The following TRPM5 variants were observed in gnomAD, a reference collection of about 807,000 sequenced individuals.
TRPM5 encodes transient receptor potential cation channel subfamily M member 5, also known as MLSN1 and TRP-related.
Under a neutral mutation model 124.9 loss-of-function variants are expected in TRPM5, and 121 were observed. That is an observed-to-expected ratio of 0.97 (90% CI 0.84 to 1.13). TRPM5 has a LOEUF of 1.13. Ranked by LOEUF, TRPM5 falls within the 50% of genes most tolerant of loss-of-function variation. TRPM5 has a pLI of 0.00. For missense variants in TRPM5, 1,643 were observed against 1,589.1 expected, an observed-to-expected ratio of 1.03 and a Z score of -0.58; for synonymous variants, 781 against 700.5, an observed-to-expected ratio of 1.11 and a Z score of -1.81.
chr11:2,435,500 C>T, the TRPM5 span, among the ~76,000 whole-genome samples: 1 of 152,086 alleles, frequency 6.6e-6, no homozygotes, highest in East Asian at 1.9e-4. This position sits in a 1 kb window ranked among gnomAD's most constrained non-coding sequence, Gnocchi z 4.1. Flanking sequence ...TCCATCCCTC[C>T]ATCCGTCCAT....
intron 12 of TRPM5, 52 bp downstream of exon 17, chr11:2,414,009 G>GGGCCC: frequency 3.9e-6 from 4 of 1,023,730 alleles, no homozygotes; most frequent in Non-Finnish European, 4.3e-6. Flanking sequence ...GGCCCAGCTC[G>GGGCCC]CCCGCCCACC....
At chr11:2,418,275 T>C in exon 6 of TRPM5, 1 of 1,581,360 alleles carries the variant, frequency 6.3e-7, no homozygotes, top group Non-Finnish European at 8.6e-7. Context: ...GCTGGTTCAC[T>C]AGGGCAGCAA....
exon 2 of TRPM5, chr11:2,422,219 C>T: frequency 6.2e-7 from 1 of 1,612,548 alleles, no homozygotes. Flanking sequence ...GGCTGCTCCT[C>T]ACCCACCAGG....
chr11:2,416,610 G>A lies in TRPM5; in HGVS notation c.1010-586C>T, dbSNP rs577327591. On this transcript the variant is annotated intron_variant, in intron 7 of 23. Coordinates refer to ENST00000155858, the Ensembl canonical transcript of TRPM5. ...CAAACTGAGACTGGTGAGAAGAGGC[G>A]GGGGAGTTCCTAAACGGGGAGGTTT... 3.3e-4 allele frequency among the ~76,000 whole-genome samples: 50 copies of A among 152,228 alleles called. 1 individual carries two copies. The highest frequency in any genetic ancestry group is 1.2e-3 in the African/African-American group (49 of 41,548).
chr11:2,412,170 C>T, exon 16 of TRPM5: 1 of 1,613,568 alleles, frequency 6.2e-7, no homozygotes, highest in Non-Finnish European at 8.5e-7. Flanking sequence ...GGAAGATGGC[C>T]ACCATGTCAC....
chr11:2,442,795 C>A, the TRPM5 span, among the ~76,000 whole-genome samples: 66,877 of 152,000 alleles, frequency 0.44, 17,236 homozygotes, highest in African/African-American at 0.72. The surrounding 1 kb of genome is among the most constrained non-coding windows in gnomAD (Gnocchi z 5.9). Flanking sequence ...GTGTACTTTT[C>A]ATTTGCATTT....
the TRPM5 span, among the ~76,000 whole-genome samples, chr11:2,439,460 G>A: frequency 1.3e-5 from 2 of 152,190 alleles, no homozygotes; most frequent in East Asian, 1.9e-4. Context: ...AATCTATAAG[G>A]AACTCAAACA....
At chr11:2,404,835 T>G (rs1253534909) in exon 24 of TRPM5, 3 of 922,344 alleles carry the variant, frequency 3.3e-6, no homozygotes, top group Non-Finnish European at 3.3e-6. Context: ...GGGGGGCTGG[T>G]GCCCCCTGGG....
intron 18 of TRPM5, chr11:2,410,573 AG>A: frequency 2.8e-6 from 1 of 356,714 alleles, no homozygotes; most frequent in African/African-American, 2.2e-5. Flanking sequence ...CAGCCATCCC[AG>A]GGGCCTGCAC....
At position 2,413,130 on chromosome 11, in the gene TRPM5, G is replaced by C. The variant is rs978780013; in HGVS notation, c.2096+4C>G. 3.2e-6 allele frequency: 5 copies of C among 1,553,400 alleles called. No homozygotes were observed. Among genetic ancestry groups the C allele is most frequent in the East Asian group, 2.4e-5 (1 of 41,542 alleles). ...TCCACCCTGCCTGGCCCTGTGCCTCGCACCGGCTCTGCAGGCCATACAGCG... is the reference window on the plus strand; with the variant it reads ...TCCACCCTGCCTGGCCCTGTGCCTCCCACCGGCTCTGCAGGCCATACAGCG... On this transcript the variant is annotated splice_donor_region_variant and intron_variant, in intron 14 of 23. Coordinates refer to ENST00000155858, the Ensembl canonical transcript of TRPM5.
the TRPM5 span, among the ~76,000 whole-genome samples, chr11:2,430,746 TTGGTGG>T: frequency 1.9e-5 from 2 of 103,424 alleles, no homozygotes; most frequent in Non-Finnish European, 4.1e-5. Flanking sequence ...GGTGATGGTG[TTGGTGG>T]TGGTGGTTTT....
At chr11:2,444,256 G>A in the TRPM5 span, among the ~76,000 whole-genome samples, 2 of 152,142 alleles carry the variant, frequency 1.3e-5, no homozygotes, top group African/African-American at 2.4e-5. Context: ...CTGGGCACCC[G>A]GGGGCGCTCA....
At chr11:2,426,182 C>T (rs1047222559), upstream of TRPM5, among the ~76,000 whole-genome samples, 23 of 152,134 alleles carry the variant, frequency 1.5e-4, no homozygotes, top group Non-Finnish European at 4.4e-5. Flanking sequence ...CTCCCGAGGA[C>T]GGGACAGAGC....
At chr11:2,406,170 C>T (rs7939970) in intron 21 of TRPM5, 79 bp from the exon 27 acceptor site, 119,890 of 1,522,144 alleles carry the variant, frequency 0.079, 5,499 homozygotes, top group South Asian at 0.13. Context: ...TCCCCCCAGG[C>T]CTCCCTGTGT....
exon 15 of TRPM5, chr11:2,412,769 C>T (rs760220251): frequency 6.2e-7 from 1 of 1,600,526 alleles, no homozygotes; most frequent in South Asian, 1.1e-5. Context: ...GGATTTCCTC[C>T]AGCACCAGCG....
Position 2,422,074 on chromosome 11 carries a change from G to C in TRPM5, c.298+67C>G. 3.4e-6 allele frequency: 5 copies of C among 1,491,218 alleles called. No homozygotes were observed. In the South Asian group the frequency reaches 5.3e-5, roughly 16 times the overall value. The allele number at this position is 1,491,218 out of a possible 1,614,324, so 92.4% of individuals were successfully genotyped here. The stretch of plus-strand genomic sequence containing the variant: ...GGGAGCACTGCCTGTGCCGGGTTGC[G>C]GGGACAGTCAGGGGGTCGGGCTGCC... On this transcript the variant is annotated intron_variant, in intron 2 of 23. Transcript: ENST00000155858.
At chr11:2,442,636 T>C in the TRPM5 span, among the ~76,000 whole-genome samples, 1 of 152,154 alleles carries the variant, frequency 6.6e-6, no homozygotes, top group Non-Finnish European at 1.5e-5. This position sits in a 1 kb window ranked among gnomAD's most constrained non-coding sequence, Gnocchi z 5.9. Context: ...AGAAGTGGGG[T>C]TTCTGTGTCA....
chr11:2,414,550 C>T (rs1294656481), intron 11 of TRPM5, among the ~76,000 whole-genome samples, 165 bp downstream of exon 16: 2 of 152,222 alleles, frequency 1.3e-5, no homozygotes, highest in African/African-American at 4.8e-5. Flanking sequence ...GCCGCCTCCA[C>T]CCCAGGCAGA....
At chr11:2,421,175 G>C (rs1344315146) in exon 3 of TRPM5, 3 of 1,541,596 alleles carry the variant, frequency 1.9e-6, no homozygotes, top group East Asian at 2.5e-5. Context: ...CCCACGCGGA[G>C]GGCACTGGTC....
Sources: allele counts gnomAD v4.1 joint callset (sites outside exome capture counted in the v4.1 genomes callset), GRCh38; gene constraint gnomAD v4.1.1; non-coding constraint Gnocchi (gnomAD v3.1); transcripts MANE v1.5; gene names NCBI Gene and HGNC (gene_info 2026-07-23, HGNC 2026-07-21).